CPAMD8: variants seen among roughly 807,000 people sequenced by gnomAD.
The protein encoded by CPAMD8 is C3 and PZP-like alpha-2-macroglobulin domain-containing protein 8.
In CPAMD8, 146 loss-of-function variants were observed where a neutral mutation model predicts 224.7. That is an observed-to-expected ratio of 0.65 (90% CI 0.57 to 0.75). The LOEUF is 0.75. Ranked by LOEUF, CPAMD8 falls within the 30% of genes least tolerant of loss-of-function variation. CPAMD8 has a pLI of 0.00. For missense variants in CPAMD8, 2,301 were observed against 2,537.5 expected (o/e 0.91, Z 2.00); for synonymous variants, 966 against 1,044.6 (o/e 0.92, Z 1.45).
chr19:16,939,136 T>G (rs2053793526), intron 22 of CPAMD8, among the ~76,000 whole-genome samples: 1 of 152,016 alleles, frequency 6.6e-6, no homozygotes, highest in Non-Finnish European at 1.5e-5. Context: ...CCTTTCCCCA[T>G]TAGGATGGTC....
intron 23 of CPAMD8, among the ~76,000 whole-genome samples, chr19:16,933,251 GAA>G (rs58383042): frequency 1.6e-3 from 224 of 139,594 alleles, no homozygotes; most frequent in African/African-American, 5.2e-3. Flanking sequence ...AAAATTTTGA[GAA>G]AAAAAAAACA....
intron 20 of CPAMD8, among the ~76,000 whole-genome samples, chr19:16,949,230 C>T (rs1323505325): frequency 1.3e-5 from 2 of 152,058 alleles, no homozygotes; most frequent in African/African-American, 2.4e-5. Context: ...GGTCCTTAAG[C>T]ACATACACTG....
At chr19:17,016,276 T>C (rs756594478) in intron 3 of CPAMD8, among the ~76,000 whole-genome samples, 3 of 152,136 alleles carry the variant, frequency 2.0e-5, no homozygotes, top group Non-Finnish European at 4.4e-5. Context: ...ATCTTAAGCA[T>C]CTTTCTTGGG....
In CPAMD8 at chr19:16,906,946, A is replaced by G. The variant is rs2052540996; in HGVS notation, c.4027+6T>C. On this transcript the variant is annotated splice_donor_region_variant and intron_variant, in intron 30 of 41. Transcript: ENST00000443236. ...GTGGCCTCTGGGGAGGGCCAGGGAC[A>G]CCTACCTCGCATGATGGCCAGGCTA... 6.3e-7 allele frequency: 1 copy of G among 1,577,824 alleles called. No individual in the cohort carries two copies. The highest frequency in any genetic ancestry group is 1.9e-5 in the Admixed American group (1 of 52,828).
At chr19:16,917,076 A>T (rs995612629) in intron 27 of CPAMD8, among the ~76,000 whole-genome samples, 1 of 152,180 alleles carries the variant, frequency 6.6e-6, no homozygotes, top group African/African-American at 2.4e-5. Flanking sequence ...AAACAGGATA[A>T]ATGTTATCAA....
At chr19:16,989,560 T>C (rs1457365875) in intron 13 of CPAMD8, 83 bp downstream of exon 13, 3 of 1,521,542 alleles carry the variant, frequency 2.0e-6, no homozygotes, top group African/African-American at 1.4e-5. Flanking sequence ...ATGCTGGGAT[T>C]ACAGGCATGA....
At chr19:16,921,769 A>G in intron 27 of CPAMD8, 136 bp downstream of exon 27, 1 of 620,368 alleles carries the variant, frequency 1.6e-6, no homozygotes, top group African/African-American at 1.8e-5. Flanking sequence ...GGACCACCAC[A>G]GTCTTTACTT....
At chr19:16,953,530 T>G (rs746239440) in intron 19 of CPAMD8, among the ~76,000 whole-genome samples, 1 of 151,758 alleles carries the variant, frequency 6.6e-6, no homozygotes, top group African/African-American at 2.4e-5. Context: ...CAAGACCCTA[T>G]CTTTACAAAA....
intron 18 of CPAMD8, among the ~76,000 whole-genome samples, chr19:16,970,370 T>A (rs946307927): frequency 2.6e-5 from 4 of 151,970 alleles, no homozygotes; most frequent in African/African-American, 9.7e-5. Flanking sequence ...GCAAATCACT[T>A]GAGGCCAGGA....
chr19:16,947,679 G>C (rs2054151020), intron 20 of CPAMD8, among the ~76,000 whole-genome samples: 2 of 150,330 alleles, frequency 1.3e-5, no homozygotes, highest in African/African-American at 2.5e-5. Context: ...GCACGTGTGT[G>C]TTTATTCATG....
intron 29 of CPAMD8, among the ~76,000 whole-genome samples, chr19:16,911,568 CAG>C (rs1401376642): frequency 6.6e-6 from 1 of 151,522 alleles, no homozygotes; most frequent in East Asian, 1.9e-4. Flanking sequence ...TTTTTTGAGA[CAG>C]AGTCTGGCAC....
Position 16,893,098 on chromosome 19 carries a change from G to C in CPAMD8, c.*10C>G. On this transcript the variant is annotated 3_prime_UTR_variant, in exon 42 of 42. Coordinates refer to ENST00000443236, the MANE Select transcript of CPAMD8 (RefSeq NM_015692.5). ...AAACTGCGGTCCCACAACTGCATGT[G>C]GTTGTAGGATTATCTCAAGGTGCAG... The C allele has an allele frequency of 1.7e-6, 2 of 1,197,532 alleles. No individual in the cohort carries two copies. Among genetic ancestry groups the C allele is most frequent in the Non-Finnish European group, 2.5e-6 (2 of 801,668 alleles). 74.2% of individuals were successfully genotyped at this position (1,197,532 alleles called of 1,614,324 possible). A position where few individuals can be genotyped will look rare whatever the true frequency, so the allele number is the denominator to read the frequency against.
At chr19:16,896,145 C>A (rs751095230) in intron 41 of CPAMD8, 31 bp downstream of exon 41, 1 of 1,612,244 alleles carries the variant, frequency 6.2e-7, no homozygotes, top group East Asian at 2.2e-5. Flanking sequence ...GAGCCTATGT[C>A]TCTTATCTCT....
intron 17 of CPAMD8, among the ~76,000 whole-genome samples, chr19:16,972,880 T>C (rs2055113764): frequency 6.6e-6 from 1 of 152,014 alleles, no homozygotes; most frequent in Non-Finnish European, 1.5e-5. Flanking sequence ...AACACAAAGG[T>C]TTATTTTGCC....
At chr19:17,020,990 C>G (rs1477635885) in intron 2 of CPAMD8, among the ~76,000 whole-genome samples, 1 of 152,178 alleles carries the variant, frequency 6.6e-6, no homozygotes, top group African/African-American at 2.4e-5. Context: ...AGGCCTTCCC[C>G]CTGGTCACAG....
intron 29 of CPAMD8, chr19:16,907,397 C>T (rs1340839595): frequency 1.5e-5 from 3 of 203,414 alleles, no homozygotes; most frequent in Non-Finnish European, 1.9e-5. Flanking sequence ...CACCTGAGGT[C>T]AGGAGTTTGA....
intron 13 of CPAMD8, among the ~76,000 whole-genome samples, chr19:16,983,189 G>A (rs886685107): frequency 1.3e-5 from 2 of 152,142 alleles, no homozygotes; most frequent in Admixed American, 1.3e-4. Flanking sequence ...GATCACCTAA[G>A]GTCAGGAGTT....
intron 23 of CPAMD8, among the ~76,000 whole-genome samples, chr19:16,937,297 G>A (rs1006416531): frequency 3.3e-5 from 5 of 151,938 alleles, no homozygotes; most frequent in African/African-American, 1.2e-4. Flanking sequence ...ACCACGTCTG[G>A]CTAAGTTTTT....
At chr19:17,014,217 A>T (rs537263672) in intron 3 of CPAMD8, among the ~76,000 whole-genome samples, 1 of 151,684 alleles carries the variant, frequency 6.6e-6, no homozygotes, top group South Asian at 2.1e-4. Context: ...ATGCCCAGCT[A>T]ATTTATTTTA....
Sources: allele counts gnomAD v4.1 joint callset (sites outside exome capture counted in the v4.1 genomes callset), GRCh38; gene constraint gnomAD v4.1.1; transcripts MANE v1.5; gene names NCBI Gene and HGNC (gene_info 2026-07-23, HGNC 2026-07-21).